The following FSTL5 variants were observed in gnomAD, a reference collection of about 807,000 sequenced individuals.
The protein encoded by FSTL5 is follistatin like 5.
In FSTL5, 62 loss-of-function variants were observed where a neutral mutation model predicts 89.1. That is an observed-to-expected ratio of 0.70 (90% CI 0.57 to 0.86). The LOEUF (loss-of-function observed/expected upper bound fraction) is 0.86, where lower values mean the gene tolerates loss of function less well. Ranked by LOEUF, FSTL5 falls within the 40% of genes least tolerant of loss-of-function variation. The pLI, the probability that FSTL5 is intolerant of heterozygous loss-of-function variation, is 0.00. For synonymous variants in FSTL5, 383 were observed against 346.2 expected (o/e 1.11, Z -1.18); for missense variants, 1,057 against 1,001.6 (o/e 1.06, Z -0.75).
chr4:161,977,547 A>G (rs541552737), intron 3 of FSTL5, among the ~76,000 whole-genome samples: 34 of 147,796 alleles, frequency 2.3e-4, no homozygotes, highest in Middle Eastern at 3.2e-3. Context: ...TGGAAGGCGG[A>G]GCTTGCAGTG....
intron 2 of FSTL5, among the ~76,000 whole-genome samples, chr4:162,093,064 G>C (rs1423148448): frequency 6.6e-6 from 1 of 151,670 alleles, no homozygotes. Context: ...GATTCAGTGA[G>C]TGTCTGTAAT....
intron 2 of FSTL5, among the ~76,000 whole-genome samples, chr4:162,110,652 G>A (rs2111405683): frequency 6.6e-6 from 1 of 151,560 alleles, no homozygotes; most frequent in South Asian, 2.1e-4. Flanking sequence ...TCAGTATCAT[G>A]GACTGCTGTT....
At chr4:161,764,007 C>T (rs1440810373) in intron 5 of FSTL5, among the ~76,000 whole-genome samples, 1 of 151,872 alleles carries the variant, frequency 6.6e-6, no homozygotes, top group Non-Finnish European at 1.5e-5. Context: ...TATTTTCAAC[C>T]AACACGTGCC....
intron 4 of FSTL5, among the ~76,000 whole-genome samples, chr4:161,825,102 G>C (rs1044106245): frequency 1.3e-5 from 2 of 152,098 alleles, no homozygotes; most frequent in African/African-American, 4.8e-5. Flanking sequence ...TAATCATAAA[G>C]GGATGCTGGA....
At chr4:161,621,999 A>T (rs1283393692) in intron 7 of FSTL5, among the ~76,000 whole-genome samples, 9 of 151,946 alleles carry the variant, frequency 5.9e-5, no homozygotes, top group Non-Finnish European at 1.3e-4. Flanking sequence ...TCCCTCTCAA[A>T]AAAATAAAAT....
chr4:161,920,463 G>C lies in FSTL5; in HGVS notation c.350C>G (p.Ala117Gly), dbSNP rs769789513. 27 of 1,613,798 alleles carry C rather than the reference G, an allele frequency of 1.7e-5. No individual in the cohort carries two copies. Among genetic ancestry groups the C allele is most frequent in the East Asian group, 6.7e-5 (3 of 44,866 alleles). The change falls in exon 4 of 16, where the codon GCT becomes GGT. Residue 117 changes from alanine to glycine, a missense_variant. Physicochemically the swap from Ala to Gly is moderately conservative, Grantham distance 60. Coordinates refer to ENST00000306100, the MANE Select transcript of FSTL5 (RefSeq NM_020116.5). Reference protein sequence around the residue: ...FYENHCEVHRAACLKKQKITI... With the variant: ...FYENHCEVHRGACLKKQKITI... ...AATCTTTTGTTTTTTCAGGCAAGCA[G>C]CTCTGTGCACTTCACAGTGGTTTTC... is the stretch of plus-strand genomic sequence containing the variant.
chr4:161,554,278 C>T (rs959202440), intron 8 of FSTL5, among the ~76,000 whole-genome samples: 1 of 151,204 alleles, frequency 6.6e-6, no homozygotes, highest in Admixed American at 6.6e-5. Flanking sequence ...CTCAAAGGCC[C>T]ACAGCAACTT....
intron 13 of FSTL5, among the ~76,000 whole-genome samples, chr4:161,473,783 G>A (rs750768041): frequency 3.9e-5 from 6 of 152,054 alleles, no homozygotes; most frequent in Non-Finnish European, 7.4e-5. Context: ...TTACCTCTCC[G>A]TTTTGGTTAC....
intron 7 of FSTL5, among the ~76,000 whole-genome samples, chr4:161,621,827 C>CAAAAAAAAAAAAAAAAAAAA (rs58143952): frequency 2.2e-5 from 2 of 90,380 alleles, no homozygotes; most frequent in Non-Finnish European, 2.3e-5. Context: ...TCTAAAAATA[C>CAAAAAAAAAAAAAAAAAAAA]AAAAAAAAAA....
chr4:161,573,134 G>C (rs1047570655), intron 8 of FSTL5, among the ~76,000 whole-genome samples: 10 of 152,112 alleles, frequency 6.6e-5, no homozygotes, highest in Non-Finnish European at 5.9e-5. Context: ...ATTTGGTCAG[G>C]CGTGGTGGCC....
intron 4 of FSTL5, among the ~76,000 whole-genome samples, chr4:161,815,749 A>G (rs2126844491): frequency 6.6e-6 from 1 of 152,312 alleles, no homozygotes; most frequent in Non-Finnish European, 1.5e-5. Context: ...TATTCAGCGA[A>G]TAATTTAGCA....
intron 11 of FSTL5, among the ~76,000 whole-genome samples, chr4:161,507,984 A>C: frequency 6.6e-6 from 1 of 152,078 alleles, no homozygotes; most frequent in East Asian, 1.9e-4. Flanking sequence ...AAAGAGGTAA[A>C]TATATAAATA....
intron 3 of FSTL5, among the ~76,000 whole-genome samples, chr4:162,021,272 T>C (rs939154321): frequency 1.3e-5 from 2 of 152,160 alleles, no homozygotes; most frequent in Admixed American, 6.5e-5. Flanking sequence ...CTGTATTGCA[T>C]TGAAATAGGA....
chr4:161,921,529 A>T (rs1462271075), intron 3 of FSTL5, among the ~76,000 whole-genome samples: 1 of 152,144 alleles, frequency 6.6e-6, no homozygotes, highest in Non-Finnish European at 1.5e-5. Context: ...ATGTATACAC[A>T]TGTATACACA....
chr4:161,743,092 T>A (rs1266241778), intron 6 of FSTL5, among the ~76,000 whole-genome samples: 1 of 152,132 alleles, frequency 6.6e-6, no homozygotes, highest in African/African-American at 2.4e-5. Flanking sequence ...CTATATTTTA[T>A]TTTTTTACCT....
At chr4:162,120,199 G>T (rs910598140) in intron 1 of FSTL5, among the ~76,000 whole-genome samples, 3 of 152,066 alleles carry the variant, frequency 2.0e-5, no homozygotes, top group Non-Finnish European at 4.4e-5. Flanking sequence ...GAGGTACTGA[G>T]ATGTAAAACG....
intron 2 of FSTL5, among the ~76,000 whole-genome samples, chr4:162,095,033 A>C (rs1050758861): frequency 5.3e-5 from 8 of 152,148 alleles, no homozygotes; most frequent in Admixed American, 2.6e-4. Context: ...CCAACACATG[A>C]TTTAAATTCT....
intron 1 of FSTL5, among the ~76,000 whole-genome samples, chr4:162,112,388 G>A (rs779173988): frequency 2.6e-5 from 4 of 152,114 alleles, no homozygotes; most frequent in East Asian, 1.9e-4. Flanking sequence ...AATGGCAAGC[G>A]TGTGCCATCA....
At chr4:161,868,343 G>T (rs547009470) in intron 4 of FSTL5, among the ~76,000 whole-genome samples, 1 of 151,950 alleles carries the variant, frequency 6.6e-6, no homozygotes, top group East Asian at 1.9e-4. Context: ...ACAAAAATAC[G>T]GTTGTCACCT....
Sources: allele counts gnomAD v4.1 joint callset (sites outside exome capture counted in the v4.1 genomes callset), GRCh38; gene constraint gnomAD v4.1.1; transcripts MANE v1.5; gene names NCBI Gene and HGNC (gene_info 2026-07-23, HGNC 2026-07-21).